ASH1L: variants seen among roughly 807,000 people sequenced by gnomAD.
ASH1L encodes the protein histone-lysine N-methyltransferase ASH1L.
ASH1L carries 23 observed loss-of-function variants against 269.0 expected under a neutral mutation model. That is an observed-to-expected ratio of 0.09 (90% CI 0.06 to 0.12). The LOEUF (loss-of-function observed/expected upper bound fraction) is 0.12. ASH1L is among the 10% of genes least tolerant of loss of function. The pLI is 1.00. For synonymous variants in ASH1L, 1,187 were observed against 1,253.5 expected (o/e 0.95, Z 1.12); for missense variants, 2,912 against 3,567.8 (o/e 0.82, Z 4.68).
intron 6 of ASH1L, among the ~76,000 whole-genome samples, chr1:155,397,584 C>G (rs1658473331): frequency 6.6e-6 from 1 of 151,948 alleles, no homozygotes; most frequent in Admixed American, 6.6e-5. Flanking sequence ...CAGAGTCTCA[C>G]TCTGTTGCCC....
intron 2 of ASH1L, among the ~76,000 whole-genome samples, chr1:155,511,575 G>A (rs1184215106): frequency 3.3e-5 from 5 of 152,122 alleles, no homozygotes; most frequent in Non-Finnish European, 7.3e-5. Flanking sequence ...GCGCAATCTC[G>A]GCTCACTGCA....
At chr1:155,433,083 ACTG>A in intron 5 of ASH1L, 1 of 1,253,114 alleles carries the variant, frequency 8.0e-7, no homozygotes, top group African/African-American at 1.5e-5. Context: ...CAATAATTAA[ACTG>A]CTATGACAGA....
intron 2 of ASH1L, among the ~76,000 whole-genome samples, chr1:155,512,448 C>CT (rs1217608016): frequency 0.56 from 52,794 of 93,764 alleles, 18,392 homozygotes; most frequent in East Asian, 0.93. Flanking sequence ...GGATCTTAGA[C>CT]TTTTTTTTTT....
chr1:155,517,793 CTTTT>C (rs780065449), intron 2 of ASH1L, among the ~76,000 whole-genome samples: 2 of 70,916 alleles, frequency 2.8e-5, no homozygotes, highest in Non-Finnish European at 5.0e-5. Flanking sequence ...CCAATAATTT[CTTTT>C]TTTTTTTTTT....
intron 2 of ASH1L, among the ~76,000 whole-genome samples, chr1:155,514,304 C>T (rs1668361808): frequency 6.6e-6 from 1 of 152,116 alleles, no homozygotes; most frequent in Non-Finnish European, 1.5e-5. Flanking sequence ...TATATGCAGC[C>T]TACCACAGTT....
intron 2 of ASH1L, among the ~76,000 whole-genome samples, chr1:155,492,499 A>G (rs1666876347): frequency 6.6e-6 from 1 of 152,148 alleles, no homozygotes; most frequent in South Asian, 2.1e-4. Context: ...CTTTATTCCA[A>G]AAGGTTTGCT....
intron 4 of ASH1L, among the ~76,000 whole-genome samples, chr1:155,446,035 CTTTTTTT>C (rs77905341): frequency 8.3e-6 from 1 of 119,996 alleles, no homozygotes; most frequent in East Asian, 2.4e-4. Flanking sequence ...CTACACTGTA[CTTTTTTT>C]TTTTTTTTTT....
intron 1 of ASH1L, among the ~76,000 whole-genome samples, chr1:155,532,629 C>G (rs1351804223): frequency 1.3e-4 from 20 of 151,820 alleles, no homozygotes; most frequent in Non-Finnish European, 2.9e-5. Flanking sequence ...TCAAGACCAG[C>G]CTGGCCAACA....
Position 155,480,483 on chromosome 1 carries a change from C to T in ASH1L, c.2387G>A (p.Ser796Asn), listed in dbSNP as rs575594491. Residue 796 changes from serine to asparagine, a missense_variant, in exon 3 of 28, where the codon AGT becomes AAT. Coordinates refer to ENST00000392403, the MANE Select transcript of ASH1L (RefSeq NM_018489.3). Reference sequence around the variant, plus strand: ...AAAAGACTTATGAGATGGTTTTTCACTATCAGCTAAGAGAGCAAGAGATGG... The same window carrying T: ...AAAAGACTTATGAGATGGTTTTTCATTATCAGCTAAGAGAGCAAGAGATGG... ...TAPSLALLAD[S>N]EKPSHKSFAT... is the part of the protein sequence containing the mutation. 1.2e-5 allele frequency: 19 copies of T among 1,614,044 alleles called. No individual in the cohort carries two copies. The South Asian group carries it at 2.1e-4, about 18-fold the overall frequency.
intron 2 of ASH1L, among the ~76,000 whole-genome samples, chr1:155,489,273 C>G (rs1316264550): frequency 1.3e-5 from 2 of 151,350 alleles, no homozygotes; most frequent in African/African-American, 2.4e-5. Context: ...GAGTTTGAGA[C>G]CAGCCTGATC....
chr1:155,368,989 T>C (rs1043242353), intron 12 of ASH1L, among the ~76,000 whole-genome samples: 19 of 152,188 alleles, frequency 1.2e-4, no homozygotes, highest in Non-Finnish European at 2.6e-4. Flanking sequence ...GTAAAACTCA[T>C]CTGTGGCAAT....
At chr1:155,464,632 T>C (rs1304193405) in intron 3 of ASH1L, among the ~76,000 whole-genome samples, 1 of 152,058 alleles carries the variant, frequency 6.6e-6, no homozygotes. Context: ...CAAGGCAGAC[T>C]ACTAGTAAAG....
rs142679664 is a variant in ASH1L, at chr1:155,538,556, A to C, written c.-99-16938T>G. ...ATATTTTCAGTAGAGACAAGGTTTC[A>C]CTATATTGAACTCCTGACCTCGTGA... On this transcript the variant is annotated intron_variant, in intron 1 of 27. Transcript: ENST00000392403. Among the ~76,000 whole-genome samples the C allele has an allele frequency of 4.8e-3, 713 of 149,592 alleles. 5 individuals carry two copies. The highest frequency in any genetic ancestry group is 0.017 in the African/African-American group (670 of 40,524).
chr1:155,494,864 C>T (rs1013508594), intron 2 of ASH1L, among the ~76,000 whole-genome samples: 2 of 151,868 alleles, frequency 1.3e-5, no homozygotes, highest in Non-Finnish European at 2.9e-5. Flanking sequence ...AAACTAAGGA[C>T]TGATAACACC....
chr1:155,440,473 G>T (rs964206969), intron 4 of ASH1L: 1 of 596,086 alleles, frequency 1.7e-6, no homozygotes, highest in Non-Finnish European at 2.1e-6. Context: ...CCTCAATACA[G>T]AGTACTTGTT....
At chr1:155,374,893 G>A (rs1019716149) in intron 10 of ASH1L, among the ~76,000 whole-genome samples, 2 of 152,058 alleles carry the variant, frequency 1.3e-5, no homozygotes, top group Non-Finnish European at 2.9e-5. Flanking sequence ...ACAGCTTACT[G>A]TAGCCTCAAC....
intron 1 of ASH1L, among the ~76,000 whole-genome samples, chr1:155,558,687 T>C (rs1221302711): frequency 6.6e-6 from 1 of 151,800 alleles, no homozygotes; most frequent in East Asian, 1.9e-4. Context: ...GGACTGCAGG[T>C]GTTCATTCTA....
At chr1:155,545,625 G>GA (rs200558813) in intron 1 of ASH1L, among the ~76,000 whole-genome samples, 39 of 133,598 alleles carry the variant, frequency 2.9e-4, no homozygotes, top group Middle Eastern at 3.8e-3. Context: ...GGTTTGGAAG[G>GA]AAAAAAAAAA....
At chr1:155,424,826 GAC>G (rs1352390834) in intron 5 of ASH1L, among the ~76,000 whole-genome samples, 1 of 152,058 alleles carries the variant, frequency 6.6e-6, no homozygotes, top group Non-Finnish European at 1.5e-5. Context: ...TTTTATTTGA[GAC>G]AGAGTCTTGC....
Sources: allele counts gnomAD v4.1 joint callset (sites outside exome capture counted in the v4.1 genomes callset), GRCh38; gene constraint gnomAD v4.1.1; transcripts MANE v1.5; gene names NCBI Gene and HGNC (gene_info 2026-07-23, HGNC 2026-07-21).